The following MTFR1L variants were observed in gnomAD, a reference collection of about 807,000 sequenced individuals.
MTFR1L encodes the protein mitochondrial fission regulator 1 like, also known as mitochondrial fission regulator 1-like.
A neutral mutation model predicts 27.9 loss-of-function variants in MTFR1L; 10 were observed. That is an observed-to-expected ratio of 0.36 (90% CI 0.22 to 0.61). The LOEUF (loss-of-function observed/expected upper bound fraction) is 0.61. Ranked by LOEUF, MTFR1L falls within the 20% of genes least tolerant of loss-of-function variation. The probability of loss-of-function intolerance (pLI) is 0.73; values close to 1 mark genes in which losing one functional copy is unlikely to be tolerated. For synonymous variants in MTFR1L, 151 were observed against 139.4 expected, an observed-to-expected ratio of 1.08 and a Z score of -0.58; for missense variants, 315 against 363.7, an observed-to-expected ratio of 0.87 and a Z score of 1.09.
intron 1 of MTFR1L, chr1:25,820,899 T>G (rs1453022034): frequency 2.9e-6 from 1 of 345,710 alleles, no homozygotes; most frequent in Non-Finnish European, 5.5e-6. Flanking sequence ...GGAAAGGACC[T>G]GACCCTGTCG....
rs2048165145 is a variant in MTFR1L at position 25,826,185 on chromosome 1, T to C, written c.130-117T>C. 12 of 793,954 alleles carry C rather than the reference T, an allele frequency of 1.5e-5. No homozygotes were observed. The highest frequency in any genetic ancestry group is 2.3e-5 in the Non-Finnish European group (11 of 483,324). 49.2% of individuals were successfully genotyped at this position (793,954 alleles called of 1,614,324 possible). The stretch of plus-strand genomic sequence containing the variant: ...CGACCAGGAACCTTCTTCTGCCCCC[T>C]CTAGGAAGCCTTCCTGACACCCAGT... On this transcript the variant is annotated intron_variant, in intron 3 of 6. Transcript: ENST00000374303. The surrounding 1 kb of genome is among the most constrained non-coding windows in gnomAD (Gnocchi z 4.1).
At chr1:25,820,085 G>C (rs1344666986) in intron 1 of MTFR1L, 56 bp downstream of exon 1, 4 of 428,664 alleles carry the variant, frequency 9.3e-6, no homozygotes, top group South Asian at 1.6e-5. Flanking sequence ...CAGCCCGTTA[G>C]TAGACTGGGT....
At chr1:25,823,241 C>T in intron 2 of MTFR1L, 113 bp downstream of exon 2, 1 of 1,126,828 alleles carries the variant, frequency 8.9e-7, no homozygotes, top group Non-Finnish European at 1.4e-6. Flanking sequence ...TCTCCAGAGG[C>T]CTGGAATTGG....
chr1:25,826,598 G>C lies in MTFR1L; in HGVS notation c.240-17G>C. On this transcript the variant is annotated splice_polypyrimidine_tract_variant and intron_variant, in intron 4 of 6. Coordinates refer to ENST00000374303, the MANE Select transcript of MTFR1L (RefSeq NM_001099625.2). This position sits in a 1 kb window ranked among gnomAD's most constrained non-coding sequence, Gnocchi z 4.1. ...CCTGCTGTCTCTAACTGATCTACTT[G>C]GTTTTCCCTGGTCCAGGAGTGATAC... The C allele has an allele frequency of 6.2e-7, 1 of 1,614,014 alleles. No homozygotes were observed. Among genetic ancestry groups the C allele is most frequent in the Non-Finnish European group, 8.5e-7 (1 of 1,179,918 alleles).
chr1:25,822,943 T>G (rs577835553), intron 1 of MTFR1L, 76 bp from the exon 2 acceptor site: 115 of 1,322,368 alleles, frequency 8.7e-5, no homozygotes, highest in Non-Finnish European at 1.2e-4. Context: ...CCTGGTTTTT[T>G]GGGGCTTGTG....
intron 5 of MTFR1L, among the ~76,000 whole-genome samples, chr1:25,827,692 C>T (rs116062067): frequency 0.026 from 3,938 of 152,128 alleles, 167 homozygotes; most frequent in African/African-American, 0.089. Context: ...CCACCCAGCT[C>T]GGCCTTCCAA....
At chr1:25,825,278 C>T (rs1346484488) in intron 3 of MTFR1L, among the ~76,000 whole-genome samples, 1 of 152,042 alleles carries the variant, frequency 6.6e-6, no homozygotes, top group African/African-American at 2.4e-5. Flanking sequence ...TATTAAATTA[C>T]CTTAAATATT....
intron 5 of MTFR1L, among the ~76,000 whole-genome samples, chr1:25,828,811 G>A (rs570396392): frequency 6.6e-6 from 1 of 152,202 alleles, no homozygotes; most frequent in African/African-American, 2.4e-5. Flanking sequence ...CATTTGGTAG[G>A]ACACATGAAA....
intron 3 of MTFR1L, among the ~76,000 whole-genome samples, chr1:25,824,257 C>T (rs1394821006): frequency 6.6e-6 from 1 of 152,166 alleles, no homozygotes; most frequent in African/African-American, 2.4e-5. Flanking sequence ...TACTGGGGTG[C>T]TTTGGTCTTA....
chr1:25,831,760 G>A (rs1240299942), intron 6 of MTFR1L, among the ~76,000 whole-genome samples, 161 bp from the exon 7 acceptor site: 2 of 152,238 alleles, frequency 1.3e-5, no homozygotes, highest in African/African-American at 4.8e-5. Context: ...TGGGCAACTT[G>A]TATAACCTTT....
chr1:25,827,515 A>G (rs890681416), intron 5 of MTFR1L, among the ~76,000 whole-genome samples: 2 of 147,978 alleles, frequency 1.4e-5, no homozygotes, highest in African/African-American at 2.5e-5. Context: ...ATCTTGGCTC[A>G]CTGCAACCTC....
chr1:25,829,601 A>ACTT lies in MTFR1L; in HGVS notation c.546_548dup (p.Ser183dup). On this transcript the variant is annotated inframe_insertion, in exon 6 of 7. Coordinates refer to ENST00000374303, the MANE Select transcript of MTFR1L (RefSeq NM_001099625.2). ...TTTTGGATCCTCATTCCACTCTACA[A>ACTT]CTTCCTTTGTCATTAGTGACATCAC... 1 of 1,614,106 alleles carries ACTT rather than the reference A, an allele frequency of 6.2e-7. No individual in the cohort carries two copies. The highest frequency in any genetic ancestry group is 1.3e-5 in the African/African-American group (1 of 75,004).
chr1:25,825,712 CCTTGTA>C (rs1175072379), intron 3 of MTFR1L: 3 of 152,358 alleles, frequency 2.0e-5, no homozygotes, highest in African/African-American at 4.8e-5. Context: ...TTGTGGATGA[CCTTGTA>C]CTTGTATTTT....
Position 25,832,055 on chromosome 1 carries a change from A to G in MTFR1L, c.*29A>G. The G allele has an allele frequency of 1.2e-6, 2 of 1,613,982 alleles. No homozygotes were observed. Among genetic ancestry groups the G allele is most frequent in the Non-Finnish European group, 1.7e-6 (2 of 1,179,962 alleles). On this transcript the variant is annotated 3_prime_UTR_variant, in exon 7 of 7. Coordinates refer to ENST00000374303, the MANE Select transcript of MTFR1L (RefSeq NM_001099625.2). The stretch of plus-strand genomic sequence containing the variant: ...CCCTCAGCTCTGCAAACTCAGTCTC[A>G]TGCTCCTGGAATACCTTCAATAGCT...
chr1:25,826,437 T>G lies in MTFR1L; in HGVS notation c.239+26T>G, dbSNP rs374546355. On this transcript the variant is annotated intron_variant, in intron 4 of 6. Transcript: ENST00000374303. The surrounding 1 kb of genome is among the most constrained non-coding windows in gnomAD (Gnocchi z 4.1). ...GTAGTTGAGGCAGTAGCTGGTCTGCTAAGGAATGGAGAACTTCCCAGAAGA... is the reference window on the plus strand; with the variant it reads ...GTAGTTGAGGCAGTAGCTGGTCTGCGAAGGAATGGAGAACTTCCCAGAAGA... 3.7e-6 allele frequency: 6 copies of G among 1,611,844 alleles called. No homozygotes were observed. Among genetic ancestry groups the G allele is most frequent in the Non-Finnish European group, 4.2e-6 (5 of 1,178,086 alleles).
rs773979086 is a variant in MTFR1L at position 25,823,212 on chromosome 1, C to A, written c.24+84C>A. On this transcript the variant is annotated intron_variant, in intron 2 of 6. Transcript: ENST00000374303. ...AAGTACTGTAAAAGGTTCTGAGACT[C>A]TCCAGTTGAGCACTCCTTTCTCCAG... The A allele has an allele frequency of 1.3e-5, 18 of 1,343,122 alleles. No homozygotes were observed. The East Asian group carries it at 3.9e-4, about 29-fold the overall frequency. The allele number at this position is 1,343,122 out of a possible 1,614,324, so 83.2% of individuals were successfully genotyped here.
chr1:25,829,830 T>TGTAA lies in MTFR1L; in HGVS notation c.773+4_773+7dup. The TGTAA allele has an allele frequency of 1.3e-6, 2 of 1,593,778 alleles. No homozygotes were observed. The highest frequency in any genetic ancestry group is 1.1e-5 in the South Asian group (1 of 90,532). ...CACCGAATGAAACAGAGTCAAGATC[T>TGTAA]GTAAGTATCTGATGAGGAGCTCTGG... On this transcript the variant is annotated stop_gained and frameshift_variant and splice_region_variant. Coordinates refer to ENST00000374303, the MANE Select transcript of MTFR1L (RefSeq NM_001099625.2). LOFTEE classifies it high-confidence loss of function.
intron 1 of MTFR1L, chr1:25,822,522 CTTT>C (rs138804319): frequency 5.5e-5 from 6 of 109,068 alleles, no homozygotes; most frequent in African/African-American, 1.3e-4. Context: ...CTAGGCAAAT[CTTT>C]TTTTTTTTTT....
intron 1 of MTFR1L, chr1:25,822,522 C>CTTTTT (rs138804319): frequency 9.2e-6 from 1 of 109,078 alleles, no homozygotes; most frequent in Non-Finnish European, 1.8e-5. Flanking sequence ...CTAGGCAAAT[C>CTTTTT]TTTTTTTTTT....
Sources: gnomAD v4.1 joint callset for allele counts (sites outside exome capture counted in the v4.1 genomes callset) on GRCh38, gnomAD v4.1.1 for gene constraint, Gnocchi (gnomAD v3.1) non-coding constraint, MANE v1.5 for transcripts, NCBI Gene and HGNC (gene_info 2026-07-23, HGNC 2026-07-21) for gene names.